Variants in ELAPOR1 observed in about 807,000 individuals in gnomAD.
ELAPOR1 encodes the protein endosome-lysosome associated apoptosis and autophagy regulator 1.
A neutral mutation model predicts 119.7 loss-of-function variants in ELAPOR1; 77 were observed. That is an observed-to-expected ratio of 0.64 (90% CI 0.54 to 0.78). The LOEUF (loss-of-function observed/expected upper bound fraction) is 0.78, where lower values mean the gene tolerates loss of function less well. Ranked by LOEUF, ELAPOR1 falls within the 30% of genes least tolerant of loss-of-function variation. ELAPOR1 has a pLI of 0.00. For missense variants in ELAPOR1, 1,115 were observed against 1,270.4 expected (o/e 0.88, Z 1.86); for synonymous variants, 481 against 487.2 (o/e 0.99, Z 0.17).
intron 1 of ELAPOR1, among the ~76,000 whole-genome samples, chr1:109,161,409 CAAAAA>C (rs59573644): frequency 1.2e-4 from 7 of 56,332 alleles, no homozygotes; most frequent in Non-Finnish European, 1.8e-4. Context: ...GACTCCGTCT[CAAAAA>C]AAAAAAAAAA....
At chr1:109,192,093 C>G (rs1331086116) in intron 13 of ELAPOR1, among the ~76,000 whole-genome samples, 1 of 152,188 alleles carries the variant, frequency 6.6e-6, no homozygotes, top group Non-Finnish European at 1.5e-5. Flanking sequence ...CCTTGTAGTC[C>G]CTGCCCTGAT....
intron 7 of ELAPOR1, among the ~76,000 whole-genome samples, chr1:109,174,058 G>A (rs1652092113): frequency 6.7e-6 from 1 of 150,024 alleles, no homozygotes; most frequent in Admixed American, 6.6e-5. Flanking sequence ...TATCACCCAG[G>A]CTGAAGTGCC....
At chr1:109,128,054 A>G (rs1192301533) in intron 1 of ELAPOR1, among the ~76,000 whole-genome samples, 1 of 149,278 alleles carries the variant, frequency 6.7e-6, no homozygotes, top group Non-Finnish European at 1.5e-5. Context: ...TTATATTTTT[A>G]TAGAGACAGA....
At chr1:109,115,284 G>T (rs966766026) in intron 1 of ELAPOR1, among the ~76,000 whole-genome samples, 1 of 152,146 alleles carries the variant, frequency 6.6e-6, no homozygotes, top group Non-Finnish European at 1.5e-5. Flanking sequence ...CAAGAACTAC[G>T]TTGGGGAAGG....
intron 1 of ELAPOR1, among the ~76,000 whole-genome samples, chr1:109,155,910 A>C (rs969001810): frequency 6.6e-6 from 1 of 152,186 alleles, no homozygotes; most frequent in Admixed American, 6.5e-5. Flanking sequence ...TGTGAGGCCA[A>C]AGTGGAAGGA....
chr1:109,165,748 C>CCTT (rs1651557789), intron 3 of ELAPOR1, among the ~76,000 whole-genome samples: 1 of 135,420 alleles, frequency 7.4e-6, no homozygotes, highest in Non-Finnish European at 1.6e-5. Flanking sequence ...TCTTCTTCTT[C>CCTT]TTTTTTTTTT....
chr1:109,185,102 A>C lies in ELAPOR1; in HGVS notation c.1010A>C (p.Tyr337Ser), dbSNP rs751370207. 1.9e-6 allele frequency: 3 copies of C among 1,612,330 alleles called. No individual in the cohort carries two copies. The South Asian group carries it at 3.3e-5, about 18-fold the overall frequency. ...GCTTGCACAGACAAAGATTATTTCT[A>C]CACACACACGGCCTGCGATGCCAAC... ...RPACTDKDYFYTHTACDANGE... is the reference protein window; with the variant it reads ...RPACTDKDYFSTHTACDANGE... Residue 337 changes from tyrosine (Y) to serine (S), a missense_variant, in exon 8 of 22, where the codon TAC (tyrosine) becomes TCC (serine). Tyr to Ser is a moderately radical substitution (Grantham distance 144). Transcript: ENST00000369939.
Position 109,194,514 on chromosome 1 carries a change from A to G in ELAPOR1, c.2041A>G (p.Thr681Ala). 6.2e-7 allele frequency: 1 copy of G among 1,613,622 alleles called. No homozygotes were observed. The highest frequency in any genetic ancestry group is 8.5e-7 in the Non-Finnish European group (1 of 1,179,698). ...CTTCTCCGCTTTGGCAAACACTGTC[A>G]CTCTTGCTGGAGGGCCAAGCTTCAC... Reference protein sequence around the residue: ...YNFSALANTVTLAGGPSFTSK... With the variant: ...YNFSALANTVALAGGPSFTSK... The change falls in exon 15 of 22, where the codon ACT becomes GCT. Residue 681 changes from threonine (T) to alanine (A), a missense_variant. Thr to Ala is a moderately conservative substitution (Grantham distance 58, BLOSUM62 0). Transcript: ENST00000369939.
At position 109,173,506 on chromosome 1, in the gene ELAPOR1, T is replaced by C. The variant is rs768446931; in HGVS notation, c.729T>C (p.Tyr243=). The C allele has an allele frequency of 8.1e-6, 13 of 1,614,108 alleles. No homozygotes were observed. In the East Asian group the frequency reaches 2.0e-4, roughly 25 times the overall value. ...TAAATCGAGGCAATAATGTCCTCTA[T>C]TGGAGAACCACAGCCTTCTCAGTAT... ...VELNRGNNVL[Y]WRTTAFSVWT... is the part of the protein sequence containing the mutation. Residue 243 remains tyrosine (Y), a synonymous_variant, in exon 6 of 22, where the codon TAT becomes TAC. Transcript: ENST00000369939.
At position 109,189,061 on chromosome 1, in the gene ELAPOR1, C is replaced by T. The variant is rs1653250111; in HGVS notation, c.1220-5C>T. 4 of 1,613,252 alleles carry T rather than the reference C, an allele frequency of 2.5e-6. No individual in the cohort carries two copies. The highest frequency in any genetic ancestry group is 3.4e-6 in the Non-Finnish European group (4 of 1,179,810). The stretch of plus-strand genomic sequence containing the variant: ...AATGCATGGATCTTGTTTGTGGTTC[C>T]CCAGACTGTACCCGCTGCCCTGCAG... On this transcript the variant is annotated splice_polypyrimidine_tract_variant and splice_region_variant and intron_variant, in intron 9 of 21. Coordinates refer to ENST00000369939, the MANE Select transcript of ELAPOR1 (RefSeq NM_020775.5).
intron 2 of ELAPOR1, among the ~76,000 whole-genome samples, chr1:109,163,860 G>A (rs1275491888): frequency 6.6e-6 from 1 of 152,168 alleles, no homozygotes; most frequent in Non-Finnish European, 1.5e-5. Context: ...GCTCAAGGGA[G>A]AAATTCAAGG....
At chr1:109,187,222 G>C in intron 8 of ELAPOR1, 1 of 985,458 alleles carries the variant, frequency 1.0e-6, no homozygotes, top group Non-Finnish European at 1.2e-6. Flanking sequence ...TGCTCCAAGA[G>C]CTGGCCCGAG....
chr1:109,159,899 A>G (rs559568128), intron 1 of ELAPOR1, among the ~76,000 whole-genome samples: 1 of 152,342 alleles, frequency 6.6e-6, no homozygotes, highest in Admixed American at 6.5e-5. Flanking sequence ...TTTAATTTAT[A>G]CACAGTGGAT....
At chr1:109,126,429 AAAAATTTATCCCAATTT>A (rs1648782300) in intron 1 of ELAPOR1, among the ~76,000 whole-genome samples, 1 of 152,220 alleles carries the variant, frequency 6.6e-6, no homozygotes, top group Non-Finnish European at 1.5e-5. Context: ...TAAAGAAAAT[AAAAATTTATCCCAATTT>A]TAATCACTGA....
At chr1:109,131,728 T>C (rs1396694704) in intron 1 of ELAPOR1, among the ~76,000 whole-genome samples, 2 of 152,178 alleles carry the variant, frequency 1.3e-5, no homozygotes, top group Non-Finnish European at 2.9e-5. Context: ...AGAGGGAAAC[T>C]GAAGAAATCA....
intron 3 of ELAPOR1, among the ~76,000 whole-genome samples, chr1:109,166,442 T>G (rs1651605320): frequency 6.6e-6 from 1 of 152,254 alleles, no homozygotes; most frequent in African/African-American, 2.4e-5. Flanking sequence ...CAAATTTTCT[T>G]GGAAAGCTCA....
intron 1 of ELAPOR1, among the ~76,000 whole-genome samples, chr1:109,156,708 G>A (rs539616175): frequency 1.5e-4 from 22 of 150,112 alleles, no homozygotes; most frequent in Middle Eastern, 6.8e-3. Flanking sequence ...CTTATCCCCC[G>A]CTGCCCCACT....
At chr1:109,120,661 C>A (rs953859506) in intron 1 of ELAPOR1, among the ~76,000 whole-genome samples, 3 of 151,998 alleles carry the variant, frequency 2.0e-5, no homozygotes, top group African/African-American at 7.3e-5. Flanking sequence ...CCAGACATAC[C>A]AAGTTAGGGC....
At chr1:109,116,680 C>CTTTTTT (rs71069649) in intron 1 of ELAPOR1, among the ~76,000 whole-genome samples, 8 of 96,850 alleles carry the variant, frequency 8.3e-5, no homozygotes, top group African/African-American at 2.6e-4. Flanking sequence ...CTTCTCTGTT[C>CTTTTTT]TTTTTTTTTT....
Sources: gnomAD v4.1 joint callset for allele counts (sites outside exome capture counted in the v4.1 genomes callset) on GRCh38, gnomAD v4.1.1 for gene constraint, MANE v1.5 for transcripts, NCBI Gene and HGNC (gene_info 2026-07-23, HGNC 2026-07-21) for gene names.